Variants in COL8A2 observed in about 807,000 individuals in gnomAD.
COL8A2 encodes collagen alpha-2(VIII) chain.
COL8A2 carries 16 observed loss-of-function variants against 24.0 expected under a neutral mutation model. The observed-to-expected ratio is 0.67, with a 90% confidence interval of 0.45 to 1.01. COL8A2 has a LOEUF of 1.01. Among genes scored for constraint, COL8A2 ranks in the 50% least tolerant of loss-of-function variants. The pLI, the probability that COL8A2 is intolerant of heterozygous loss-of-function variation, is 0.00. For missense variants in COL8A2, 818 were observed against 942.4 expected (o/e 0.87, Z 1.73); for synonymous variants, 466 against 424.5 (o/e 1.10, Z -1.20).
chr1:36,124,983 G>T (rs1643941980), intron 1 of COL8A2, 74 bp downstream of exon 1: 2 of 564,832 alleles, frequency 3.5e-6, no homozygotes, highest in Non-Finnish European at 4.5e-6. Flanking sequence ...GCATGGTGTT[G>T]GGGGAAGCCC....
chr1:36,108,114 A>G (rs563663040), intron 2 of COL8A2, among the ~76,000 whole-genome samples: 1 of 152,334 alleles, frequency 6.6e-6, no homozygotes, highest in Admixed American at 6.5e-5. Context: ...TCAGCTTTGC[A>G]CAGATAAATG....
At chr1:36,107,995 C>T (rs1643784853) in intron 2 of COL8A2, among the ~76,000 whole-genome samples, 1 of 152,214 alleles carries the variant, frequency 6.6e-6, no homozygotes, top group Non-Finnish European at 1.5e-5. Flanking sequence ...CGCTCCCCCA[C>T]TCTGCCCTGT....
At chr1:36,112,921 A>C (rs901973682) in intron 2 of COL8A2, among the ~76,000 whole-genome samples, 2 of 152,194 alleles carry the variant, frequency 1.3e-5, no homozygotes, top group Non-Finnish European at 1.5e-5. Flanking sequence ...AGTTCTGCCC[A>C]TGGCTGTCCC....
At chr1:36,099,509 G>T in intron 3 of COL8A2, 22 bp from the exon 4 acceptor site, 1 of 1,496,150 alleles carries the variant, frequency 6.7e-7, no homozygotes, top group South Asian at 1.2e-5. Flanking sequence ...AGAGAAAGGG[G>T]CAGTCAGGGG....
chr1:36,100,727 T>G (rs1050628402), intron 2 of COL8A2, among the ~76,000 whole-genome samples: 7 of 152,100 alleles, frequency 4.6e-5, no homozygotes, highest in African/African-American at 9.7e-5. Flanking sequence ...TATTGTCATC[T>G]CCATTTTCCA....
At chr1:36,110,143 A>G (rs1049728115) in intron 2 of COL8A2, among the ~76,000 whole-genome samples, 6 of 150,816 alleles carry the variant, frequency 4.0e-5, no homozygotes, top group Non-Finnish European at 5.9e-5. Context: ...CATGTTAGCC[A>G]GGATTGTCTC....
chr1:36,117,068 G>A (rs747453553), intron 1 of COL8A2, among the ~76,000 whole-genome samples: 12 of 152,228 alleles, frequency 7.9e-5, no homozygotes, highest in Non-Finnish European at 1.6e-4. Flanking sequence ...TGCAGGCCGC[G>A]TCACTCTCTC....
chr1:36,109,000 G>C (rs1643800407), intron 2 of COL8A2, among the ~76,000 whole-genome samples: 1 of 152,148 alleles, frequency 6.6e-6, no homozygotes, highest in African/African-American at 2.4e-5. Flanking sequence ...TGGTGCCTCA[G>C]GACCCCAGGC....
intron 1 of COL8A2, among the ~76,000 whole-genome samples, chr1:36,118,777 G>A (rs1422216256): frequency 7.9e-5 from 12 of 152,168 alleles, no homozygotes; most frequent in Non-Finnish European, 1.0e-4. Flanking sequence ...CCAGACTGAG[G>A]TGCTGATGGC....
At chr1:36,117,604 T>G (rs1258692473) in intron 1 of COL8A2, among the ~76,000 whole-genome samples, 4 of 152,224 alleles carry the variant, frequency 2.6e-5, no homozygotes, top group Admixed American at 2.6e-4. Context: ...GGTGTTCTCA[T>G]GAATTATCTC....
chr1:36,103,413 C>T (rs530928744), intron 2 of COL8A2, among the ~76,000 whole-genome samples: 8 of 152,162 alleles, frequency 5.3e-5, no homozygotes, highest in Admixed American at 1.3e-4. Flanking sequence ...GCTGGGACTA[C>T]AGGCGCCCGC....
intron 2 of COL8A2, among the ~76,000 whole-genome samples, chr1:36,100,956 C>T (rs1488234379): frequency 7.3e-6 from 1 of 137,916 alleles, no homozygotes; most frequent in Non-Finnish European, 1.5e-5. Flanking sequence ...TGCAATGGCG[C>T]CATCCTGGCT....
rs1306043391 is a variant in COL8A2 at position 36,100,252 on chromosome 1, G to A, written c.-10C>T. On this transcript the variant is annotated 5_prime_UTR_variant, in exon 3 of 4. Transcript: ENST00000397799. ...TCAGAGTCCCCAGCATGGCGTCCGTGGACGTGCTGCAAAGAAGAACAGAGA... is the reference window on the plus strand; with the variant it reads ...TCAGAGTCCCCAGCATGGCGTCCGTAGACGTGCTGCAAAGAAGAACAGAGA... The A allele has an allele frequency of 1.3e-6, 2 of 1,546,622 alleles. No homozygotes were observed. Among genetic ancestry groups the A allele is most frequent in the Non-Finnish European group, 1.7e-6 (2 of 1,149,212 alleles).
chr1:36,122,029 TAGTC>T (rs1458139032), intron 1 of COL8A2, among the ~76,000 whole-genome samples: 3 of 152,146 alleles, frequency 2.0e-5, no homozygotes, highest in Non-Finnish European at 4.4e-5. Flanking sequence ...TGCATGGGGA[TAGTC>T]AGCCTCCAAT....
chr1:36,120,448 C>CA lies in COL8A2; in HGVS notation c.-62+4608dup, dbSNP rs567405029. On this transcript the variant is annotated intron_variant, in intron 1 of 3. Transcript: ENST00000397799. ...AGCCTGGGTGACAGAGACTCCATCT[C>CA]AAAAAAATAAATAAAAAGAGGACGG... Among the ~76,000 whole-genome samples the CA allele has an allele frequency of 2.9e-3, 435 of 150,122 alleles. 4 individuals carry two copies. The highest frequency in any genetic ancestry group is 0.01 in the African/African-American group (408 of 40,656).
Position 36,123,220 on chromosome 1 carries a change from A to G in COL8A2, c.-62+1837T>C, listed in dbSNP as rs1256903090. On this transcript the variant is annotated intron_variant, in intron 1 of 3. Transcript: ENST00000397799. This position sits in a 1 kb window ranked among gnomAD's most constrained non-coding sequence, Gnocchi z 4.1. ...ATTTCCTCCTGCCACGGATGGGACCAGCGCATCTGAGACCCCACTTCCCTG... is the reference window on the plus strand; with the variant it reads ...ATTTCCTCCTGCCACGGATGGGACCGGCGCATCTGAGACCCCACTTCCCTG... 3.3e-5 allele frequency among the ~76,000 whole-genome samples: 5 copies of G among 152,186 alleles called. No individual in the cohort carries two copies. The highest frequency in any genetic ancestry group is 6.6e-5 in the Admixed American group (1 of 15,262).
chr1:36,104,573 C>T (rs868326768), intron 2 of COL8A2, among the ~76,000 whole-genome samples: 4 of 151,686 alleles, frequency 2.6e-5, no homozygotes, highest in Middle Eastern at 6.8e-3. Flanking sequence ...TTTGGGAGGC[C>T]GAGGCGGGCG....
intron 2 of COL8A2, among the ~76,000 whole-genome samples, chr1:36,104,719 C>T (rs1170751994): frequency 6.6e-6 from 1 of 150,526 alleles, no homozygotes; most frequent in Non-Finnish European, 1.5e-5. Flanking sequence ...GGCATGAACC[C>T]GGCAGGCGGA....
At position 36,125,102 on chromosome 1, in the gene COL8A2, C is replaced by T. The variant is rs760923495; in HGVS notation, c.-107G>A. On this transcript the variant is annotated 5_prime_UTR_variant, in exon 1 of 4. Transcript: ENST00000397799. This position sits in a 1 kb window ranked among gnomAD's most constrained non-coding sequence, Gnocchi z 4.5. ...CGCCGCTCCCGGCCCTCGAGGGCGG[C>T]CCGGGCGGCGAGGGCTCCGGGCAGG... 176 of 974,260 alleles carry T rather than the reference C, an allele frequency of 1.8e-4. No individual in the cohort carries two copies. The highest frequency in any genetic ancestry group is 2.0e-4 in the Non-Finnish European group (167 of 822,016). The allele number at this position is 974,260 out of a possible 1,614,324, so 60.4% of individuals were successfully genotyped here.
Sources: gnomAD v4.1 joint callset for allele counts (sites outside exome capture counted in the v4.1 genomes callset) on GRCh38, gnomAD v4.1.1 for gene constraint, Gnocchi (gnomAD v3.1) non-coding constraint, MANE v1.5 for transcripts, NCBI Gene and HGNC (gene_info 2026-07-23, HGNC 2026-07-21) for gene names.